Variants in SHISAL2A observed in about 807,000 individuals in gnomAD.
SHISAL2A encodes shisa like 2A.
SHISAL2A carries 18 observed loss-of-function variants against 11.5 expected under a neutral mutation model. That is an observed-to-expected ratio of 1.57 (90% confidence interval 1.08 to 2.33). The LOEUF is 2.33. Among genes scored for constraint, SHISAL2A ranks in the 30% most tolerant of loss-of-function variants. The probability of loss-of-function intolerance (pLI) is 0.00; values close to 1 mark genes in which losing one functional copy is unlikely to be tolerated. For missense variants in SHISAL2A, 261 were observed against 250.9 expected (o/e 1.04, Z -0.27); for synonymous variants, 94 against 99.6 (o/e 0.94, Z 0.34).
chr1:52,646,492 T>TACACACACACACACACAC (rs35929137), intron 2 of SHISAL2A, among the ~76,000 whole-genome samples: 3 of 145,254 alleles, frequency 2.1e-5, no homozygotes, highest in African/African-American at 7.7e-5. Context: ...TAAATATCTA[T>TACACACACACACACACAC]ACACACACAC....
At chr1:52,635,641 A>G (rs1344255712) in intron 1 of SHISAL2A, among the ~76,000 whole-genome samples, 2 of 151,812 alleles carry the variant, frequency 1.3e-5, no homozygotes, top group East Asian at 3.9e-4. Context: ...AACTCCTCCT[A>G]TAGGAGGAGT....
intron 2 of SHISAL2A, among the ~76,000 whole-genome samples, chr1:52,644,947 G>C (rs550806088): frequency 6.6e-6 from 1 of 151,728 alleles, no homozygotes; most frequent in South Asian, 2.1e-4. Flanking sequence ...AACCCGGGAG[G>C]CGGAGCTTGC....
chr1:52,664,292 G>A (rs908740075), intron 4 of SHISAL2A, among the ~76,000 whole-genome samples: 10 of 151,344 alleles, frequency 6.6e-5, no homozygotes, highest in South Asian at 2.1e-4. Context: ...TCGGGTTCAC[G>A]CCATTCTCCT....
intron 2 of SHISAL2A, among the ~76,000 whole-genome samples, chr1:52,645,576 T>G (rs1691482696): frequency 6.6e-6 from 1 of 151,758 alleles, no homozygotes; most frequent in South Asian, 2.1e-4. Context: ...CCTGGCTAAT[T>G]TTTTGTATTT....
At chr1:52,648,602 A>C (rs1285969473) in intron 2 of SHISAL2A, among the ~76,000 whole-genome samples, 2 of 152,100 alleles carry the variant, frequency 1.3e-5, no homozygotes, top group African/African-American at 4.8e-5. Flanking sequence ...CATCTCCTCT[A>C]ATCTTTCCAG....
downstream of SHISAL2A, among the ~76,000 whole-genome samples, chr1:52,660,558 T>A (rs1344484010): frequency 6.6e-6 from 1 of 152,190 alleles, no homozygotes; most frequent in Non-Finnish European, 1.5e-5. Flanking sequence ...GTAAATTGCT[T>A]TCCCGGTTAT....
intron 4 of SHISAL2A, among the ~76,000 whole-genome samples, chr1:52,664,342 C>T (rs1267727983): frequency 6.6e-6 from 1 of 151,070 alleles, no homozygotes; most frequent in Non-Finnish European, 1.5e-5. Context: ...AGGCGCCGGC[C>T]ACCACGCCCA....
downstream of SHISAL2A, among the ~76,000 whole-genome samples, chr1:52,661,397 C>T (rs1242238185): frequency 1.3e-5 from 2 of 152,148 alleles, no homozygotes; most frequent in African/African-American, 4.8e-5. Context: ...ATGACTTGGG[C>T]CCTAGACATC....
intron 5 of SHISAL2A, among the ~76,000 whole-genome samples, chr1:52,668,225 A>C (rs962204229): frequency 1.3e-5 from 2 of 152,176 alleles, no homozygotes; most frequent in Non-Finnish European, 2.9e-5. Context: ...ATAGCTGGGG[A>C]AAGTCTGAAG....
In SHISAL2A at chr1:52,633,735, C is replaced by A; in HGVS notation, c.182+60C>A. On this transcript the variant is annotated intron_variant, in intron 1 of 2. Transcript: ENST00000517870. This position sits in a 1 kb window ranked among gnomAD's most constrained non-coding sequence, Gnocchi z 6.4. ...CACTCCAGTCTCAGCGCCTTCACCC[C>A]AGCCTCAGCCCCCACCCGAGTGTCC... 7.1e-7 allele frequency: 1 copy of A among 1,417,660 alleles called. No individual in the cohort carries two copies. 87.8% of individuals were successfully genotyped at this position (1,417,660 alleles called of 1,614,324 possible). A position where few individuals can be genotyped will look rare whatever the true frequency, so the allele number is the denominator to read the frequency against.
At chr1:52,660,005 T>C (rs2149893603), downstream of SHISAL2A, among the ~76,000 whole-genome samples, 1 of 152,258 alleles carries the variant, frequency 6.6e-6, no homozygotes, top group East Asian at 1.9e-4. Flanking sequence ...GTGGAGGGCT[T>C]GTTAAAACAC....
chr1:52,644,282 G>A (rs1299526504), intron 2 of SHISAL2A, among the ~76,000 whole-genome samples: 1 of 152,214 alleles, frequency 6.6e-6, no homozygotes, highest in East Asian at 1.9e-4. Flanking sequence ...AAAAAAAGGA[G>A]AAAGGCTGTC....
At chr1:52,642,807 T>A in intron 1 of SHISAL2A, 56 bp from the exon 2 acceptor site, 1 of 1,564,728 alleles carries the variant, frequency 6.4e-7, no homozygotes, top group Non-Finnish European at 8.8e-7. Context: ...TTTTATAACA[T>A]CTGTCTCCCA....
chr1:52,665,685 G>T (rs1273186168), intron 4 of SHISAL2A, among the ~76,000 whole-genome samples: 1 of 152,120 alleles, frequency 6.6e-6, no homozygotes, highest in Non-Finnish European at 1.5e-5. Context: ...CCCTAAGTTA[G>T]GACAAATCTA....
chr1:52,660,624 G>A (rs537927225), downstream of SHISAL2A, among the ~76,000 whole-genome samples: 18 of 152,324 alleles, frequency 1.2e-4, no homozygotes, highest in African/African-American at 3.4e-4. Context: ...GGCACAGGGC[G>A]GAGGAGCTAG....
At chr1:52,637,429 G>T (rs184385151) in intron 1 of SHISAL2A, among the ~76,000 whole-genome samples, 1 of 152,320 alleles carries the variant, frequency 6.6e-6, no homozygotes, top group East Asian at 1.9e-4. Flanking sequence ...AAATCTCCAG[G>T]TAAGCACTGT....
At chr1:52,664,575 C>A (rs1691974154) in intron 4 of SHISAL2A, among the ~76,000 whole-genome samples, 1 of 152,108 alleles carries the variant, frequency 6.6e-6, no homozygotes, top group Admixed American at 6.5e-5. Context: ...TCAGGCTGGT[C>A]TCAAACTCCC....
chr1:52,635,630 C>G (rs898619396), intron 1 of SHISAL2A, among the ~76,000 whole-genome samples: 9 of 151,958 alleles, frequency 5.9e-5, no homozygotes, highest in Non-Finnish European at 1.2e-4. Flanking sequence ...TTAGGTTTTA[C>G]AACTCCTCCT....
intron 4 of SHISAL2A, chr1:52,667,372 T>C: frequency 1.0e-6 from 1 of 983,192 alleles, no homozygotes; most frequent in Non-Finnish European, 1.2e-6. Flanking sequence ...TTTCAAAGAT[T>C]TGTTCACATT....
Sources: allele counts gnomAD v4.1 joint callset (sites outside exome capture counted in the v4.1 genomes callset), GRCh38; gene constraint gnomAD v4.1.1; non-coding constraint Gnocchi (gnomAD v3.1); transcripts MANE v1.5; gene names NCBI Gene and HGNC (gene_info 2026-07-23, HGNC 2026-07-21).